RBFOX2: variants seen among roughly 807,000 people sequenced by gnomAD.
RBFOX2 encodes RNA binding fox-1 homolog 2.
Under a neutral mutation model 49.1 loss-of-function variants are expected in RBFOX2, and 10 were observed. The ratio of observed to expected loss-of-function variants is 0.20; its 90% CI spans 0.13 to 0.35. The LOEUF (loss-of-function observed/expected upper bound fraction) is 0.35, where lower values mean the gene tolerates loss of function less well. Among genes scored for constraint, RBFOX2 ranks in the 10% least tolerant of loss-of-function variants. RBFOX2 has a pLI of 1.00. For missense variants in RBFOX2, 323 were observed against 486.9 expected, an observed-to-expected ratio of 0.66 and a Z score of 3.17; for synonymous variants, 183 against 187.4, an observed-to-expected ratio of 0.98 and a Z score of 0.19.
chr22:35,835,306 G>T (rs990947038), intron 1 of RBFOX2, among the ~76,000 whole-genome samples: 2 of 152,136 alleles, frequency 1.3e-5, no homozygotes, highest in Non-Finnish European at 2.9e-5. Flanking sequence ...GGTGGGTAAG[G>T]GGGGGCTGTA....
intron 9 of RBFOX2, among the ~76,000 whole-genome samples, chr22:35,750,131 C>T (rs1331487084): frequency 1.3e-5 from 2 of 152,092 alleles, no homozygotes; most frequent in Non-Finnish European, 2.9e-5. Context: ...TCAATCTTGC[C>T]CACCCTAGCC....
At chr22:35,842,980 C>G (rs1265152060), upstream of RBFOX2, among the ~76,000 whole-genome samples, 2 of 151,934 alleles carry the variant, frequency 1.3e-5, no homozygotes, top group African/African-American at 2.4e-5. Flanking sequence ...AGAATTGGTA[C>G]AAGCTTAAAA....
chr22:35,776,320 T>C (rs1024846959), intron 4 of RBFOX2, among the ~76,000 whole-genome samples: 7 of 152,224 alleles, frequency 4.6e-5, no homozygotes, highest in Non-Finnish European at 2.9e-5. Flanking sequence ...TAAAAAATAC[T>C]TACCAAGTGC....
At chr22:35,890,809 A>C (rs2047147218) in intron 1 of RBFOX2, among the ~76,000 whole-genome samples, 1 of 152,110 alleles carries the variant, frequency 6.6e-6, no homozygotes, top group African/African-American at 2.4e-5. Flanking sequence ...AAATAAAATG[A>C]AACAAAAAAA....
intron 1 of RBFOX2, among the ~76,000 whole-genome samples, chr22:35,834,971 A>G (rs1254553164): frequency 6.6e-6 from 1 of 152,176 alleles, no homozygotes; most frequent in African/African-American, 2.4e-5. Flanking sequence ...GTAATAGAGA[A>G]ACATTTAAGA....
At chr22:35,937,539 T>C (rs972667260) in intron 1 of RBFOX2, among the ~76,000 whole-genome samples, 2 of 152,198 alleles carry the variant, frequency 1.3e-5, no homozygotes, top group Non-Finnish European at 2.9e-5. Context: ...TAGGTGACTA[T>C]TGATTATCAA....
chr22:35,881,126 G>A (rs545499833), intron 1 of RBFOX2, among the ~76,000 whole-genome samples: 50 of 152,142 alleles, frequency 3.3e-4, no homozygotes, highest in African/African-American at 9.9e-4. Context: ...TTAGCTGGGC[G>A]TGGTGGCGGG....
At chr22:35,758,481 G>T (rs1353738992) in intron 9 of RBFOX2, among the ~76,000 whole-genome samples, 1 of 152,150 alleles carries the variant, frequency 6.6e-6, no homozygotes, top group Non-Finnish European at 1.5e-5. Context: ...AATTTTCCTA[G>T]TGTGTAAAAC....
At chr22:35,947,909 G>A (rs1370406175) in intron 1 of RBFOX2, among the ~76,000 whole-genome samples, 1 of 152,090 alleles carries the variant, frequency 6.6e-6, no homozygotes, top group East Asian at 1.9e-4. Flanking sequence ...ATTTAGCGTA[G>A]CCTAAGTGTA....
chr22:35,948,660 G>T (rs1247607921), intron 1 of RBFOX2, among the ~76,000 whole-genome samples: 1 of 151,912 alleles, frequency 6.6e-6, no homozygotes, highest in Non-Finnish European at 1.5e-5. Flanking sequence ...ATTCTAGCCT[G>T]GGCAACAGAG....
At chr22:35,921,732 T>C (rs910443569) in intron 1 of RBFOX2, among the ~76,000 whole-genome samples, 1 of 152,236 alleles carries the variant, frequency 6.6e-6, no homozygotes, top group Non-Finnish European at 1.5e-5. Context: ...TAGAATATTC[T>C]GGTTCCAGCA....
At chr22:36,004,573 A>G (rs777172529) in intron 1 of RBFOX2, among the ~76,000 whole-genome samples, 17 of 152,172 alleles carry the variant, frequency 1.1e-4, no homozygotes, top group Non-Finnish European at 5.9e-5. Context: ...AGGTGGGTAG[A>G]TCACCTGAGG....
intron 9 of RBFOX2, among the ~76,000 whole-genome samples, chr22:35,748,797 G>A (rs1350629404): frequency 1.3e-5 from 2 of 152,206 alleles, no homozygotes; most frequent in African/African-American, 4.8e-5. Context: ...GAAGTCTTAT[G>A]CCATACGGCA....
Position 35,746,572 on chromosome 22 carries a change from G to T in RBFOX2, c.888-11C>A. On this transcript the variant is annotated splice_polypyrimidine_tract_variant and intron_variant, in intron 9 of 11. Coordinates refer to ENST00000405409, the Ensembl canonical transcript of RBFOX2. ...GGCTGCATATCCACCCTACAGGAGA[G>T]AAGAGAACTGACTTTACAGATACCT... is the stretch of plus-strand genomic sequence containing the variant. 1 of 1,529,102 alleles carries T rather than the reference G, an allele frequency of 6.5e-7. No homozygotes were observed. The highest frequency in any genetic ancestry group is 8.9e-7 in the Non-Finnish European group (1 of 1,126,686). The allele number at this position is 1,529,102 out of a possible 1,614,324, so 94.7% of individuals were successfully genotyped here. A position where few individuals can be genotyped will look rare whatever the true frequency, so the allele number is the denominator to read the frequency against.
intron 1 of RBFOX2, among the ~76,000 whole-genome samples, chr22:35,846,428 A>G (rs1047824299): frequency 2.6e-5 from 4 of 151,450 alleles, no homozygotes; most frequent in African/African-American, 9.7e-5. Context: ...TATACTCTAC[A>G]GCATTTTGAG....
chr22:35,999,466 AG>A (rs2058323160), intron 1 of RBFOX2: 5 of 151,898 alleles, frequency 3.3e-5, no homozygotes, highest in Admixed American at 3.3e-4. Flanking sequence ...CTGAAGTGGG[AG>A]GATCGCTGGG....
At chr22:35,850,961 C>T (rs117991749) in intron 1 of RBFOX2, among the ~76,000 whole-genome samples, 4 of 152,296 alleles carry the variant, frequency 2.6e-5, no homozygotes, top group East Asian at 1.9e-4. Context: ...GGGGCTATGA[C>T]GTCCCTAATC....
exon 2 of RBFOX2, chr22:35,809,836 G>C (rs1951495384): frequency 6.2e-7 from 1 of 1,613,974 alleles, no homozygotes; most frequent in Non-Finnish European, 8.5e-7. Context: ...CCGTGGGCTT[G>C]CGTACTTCCG....
upstream of RBFOX2, among the ~76,000 whole-genome samples, chr22:35,942,904 G>A (rs921248818): frequency 2.0e-5 from 3 of 152,174 alleles, no homozygotes; most frequent in Non-Finnish European, 4.4e-5. Flanking sequence ...GCTGTTGTCA[G>A]TGTTTCTTAC....
Sources: gnomAD v4.1 joint callset for allele counts (sites outside exome capture counted in the v4.1 genomes callset) on GRCh38, gnomAD v4.1.1 for gene constraint, MANE v1.5 for transcripts, NCBI Gene and HGNC (gene_info 2026-07-23, HGNC 2026-07-21) for gene names.